Variants in TRMT9B observed in about 807,000 individuals in gnomAD.
TRMT9B encodes tRNA methyltransferase 9B (putative).
A neutral mutation model predicts 11.5 loss-of-function variants in TRMT9B; 16 were observed. The observed-to-expected ratio is 1.39, with a 90% CI of 0.94 to 2.11. TRMT9B has a LOEUF of 2.11. Ranked by LOEUF, TRMT9B falls within the 30% of genes most tolerant of loss-of-function variation. TRMT9B has a pLI of 0.00. For missense variants in TRMT9B, 941 were observed against 553.8 expected, an observed-to-expected ratio of 1.70 and a Z score of -7.02; for synonymous variants, 274 against 192.4, an observed-to-expected ratio of 1.42 and a Z score of -3.51.
chr8:12,995,392 T>C (rs868417776), intron 2 of TRMT9B, among the ~76,000 whole-genome samples: 1 of 152,232 alleles, frequency 6.6e-6, no homozygotes, highest in Non-Finnish European at 1.5e-5. Flanking sequence ...TACAAAGTTA[T>C]ATATTTTTTA....
chr8:12,952,209 G>C (rs934505253), intron 1 of TRMT9B: 4 of 451,290 alleles, frequency 8.9e-6, no homozygotes, highest in African/African-American at 8.1e-5. Context: ...CCGGCGACCG[G>C]AGCACTGACA....
intron 1 of TRMT9B, among the ~76,000 whole-genome samples, chr8:12,987,723 C>G (rs1468335688): frequency 6.6e-6 from 1 of 152,002 alleles, no homozygotes; most frequent in Non-Finnish European, 1.5e-5. Context: ...TACAACTAAC[C>G]TACAGAACAT....
chr8:12,995,686 T>G (rs1243663932), intron 2 of TRMT9B, among the ~76,000 whole-genome samples: 2 of 152,122 alleles, frequency 1.3e-5, no homozygotes, highest in African/African-American at 4.8e-5. Flanking sequence ...TTGGGTTTGG[T>G]TTTTTGGGAG....
In TRMT9B at chr8:13,029,126, C is replaced by T. The variant is rs575221292; in HGVS notation, c.*7082C>T. The T allele has an allele frequency of 1.6e-4, 26 of 166,910 alleles. No homozygotes were observed. Among genetic ancestry groups the T allele is most frequent in the African/African-American group, 4.8e-4 (20 of 41,480 alleles). The allele number at this position is 166,910 out of a possible 1,614,324, so 10.3% of individuals were successfully genotyped here. Reference sequence around the variant, plus strand: ...CAAGAAAAAGTAGTTCTTTTGTGCACGCGTGAATACATCAAATTAGCAATT... The same window carrying T: ...CAAGAAAAAGTAGTTCTTTTGTGCATGCGTGAATACATCAAATTAGCAATT... On this transcript the variant is annotated 3_prime_UTR_variant, in exon 5 of 5. Coordinates refer to ENST00000524591, the MANE Select transcript of TRMT9B (RefSeq NM_020844.3).
At chr8:12,965,613 G>C (rs1802705103) in intron 1 of TRMT9B, among the ~76,000 whole-genome samples, 1 of 147,930 alleles carries the variant, frequency 6.8e-6, no homozygotes, top group African/African-American at 2.6e-5. Flanking sequence ...TTAGTTGTCT[G>C]ATTTTTTTTT....
rs1483358397 is a variant in TRMT9B, at chr8:12,952,687, GA to G, written c.-200+6723del. The stretch of plus-strand genomic sequence containing the variant: ...CACGATGAAAATACAGTTTAAGAAG[GA>G]ATGCCAAAATAGGAAGGTAAGGATT... On this transcript the variant is annotated intron_variant, in intron 1 of 4. Transcript: ENST00000524591. 4 of 984,682 alleles carry G rather than the reference GA, an allele frequency of 4.1e-6. No homozygotes were observed. The African/African-American group carries it at 7.0e-5, about 17-fold the overall frequency. The allele number at this position is 984,682 out of a possible 1,614,324, so 61.0% of individuals were successfully genotyped here. A position where few individuals can be genotyped will look rare whatever the true frequency, so the allele number is the denominator to read the frequency against.
intron 1 of TRMT9B, among the ~76,000 whole-genome samples, chr8:12,956,565 T>G (rs549114155): frequency 5.3e-5 from 8 of 152,232 alleles, no homozygotes; most frequent in Non-Finnish European, 8.8e-5. Flanking sequence ...AAATTATTTT[T>G]CCTTCTCAAA....
intron 1 of TRMT9B, among the ~76,000 whole-genome samples, chr8:12,986,955 C>T (rs1241008654): frequency 1.3e-5 from 2 of 152,190 alleles, no homozygotes; most frequent in Non-Finnish European, 1.5e-5. Context: ...TTTCTAAAAC[C>T]GAGATCAACT....
intron 1 of TRMT9B, among the ~76,000 whole-genome samples, chr8:12,984,614 A>G (rs1380170768): frequency 6.6e-6 from 1 of 152,164 alleles, no homozygotes; most frequent in African/African-American, 2.4e-5. Context: ...GTAATAGCAG[A>G]GCAGTCTTCT....
In TRMT9B at chr8:13,021,487, C is replaced by A. The variant is rs765071011; in HGVS notation, c.808C>A (p.Pro270Thr). The stretch of plus-strand genomic sequence containing the variant: ...GAGGAAGCAAATTGAAAGAGTAAGA[C>A]CCTTGAAAAACACAGAAGTTTGGGC... ...TLRKQIERVR[P>T]LKNTEVWASS... The change falls in exon 5 of 5, where the codon CCC becomes ACC. Residue 270 changes from proline (P) to threonine (T), a missense_variant. Coordinates refer to ENST00000524591, the MANE Select transcript of TRMT9B (RefSeq NM_020844.3). 2 of 1,613,604 alleles carry A rather than the reference C, an allele frequency of 1.2e-6. No individual in the cohort carries two copies. Among genetic ancestry groups the A allele is most frequent in the African/African-American group, 2.7e-5 (2 of 74,882 alleles).
At chr8:12,980,481 C>T (rs1020718163) in intron 1 of TRMT9B, among the ~76,000 whole-genome samples, 5 of 152,204 alleles carry the variant, frequency 3.3e-5, no homozygotes, top group South Asian at 2.1e-4. Context: ...CACCATCTCA[C>T]GGGACGGGGA....
chr8:13,020,958 T>C, intron 4 of TRMT9B, 50 bp from the exon 5 acceptor site: 1 of 1,252,636 alleles, frequency 8.0e-7, no homozygotes, highest in East Asian at 2.5e-5. Context: ...TATACGTGTG[T>C]GGGTTTATGT....
At chr8:12,980,723 G>A (rs982200774) in intron 1 of TRMT9B, among the ~76,000 whole-genome samples, 2 of 152,180 alleles carry the variant, frequency 1.3e-5, no homozygotes, top group African/African-American at 4.8e-5. Flanking sequence ...CGTGACACAA[G>A]CTGAACCTTC....
At chr8:13,019,885 C>G (rs757827102) in intron 4 of TRMT9B, among the ~76,000 whole-genome samples, 1 of 152,154 alleles carries the variant, frequency 6.6e-6, no homozygotes, top group African/African-American at 2.4e-5. Flanking sequence ...CCATTTCACC[C>G]TCACACCTCT....
intron 1 of TRMT9B, among the ~76,000 whole-genome samples, chr8:12,986,248 A>G (rs189292644): frequency 1.9e-3 from 291 of 152,192 alleles, no homozygotes; most frequent in Non-Finnish European, 2.7e-3. Flanking sequence ...AATATGCCCA[A>G]GTCTAAAACC....
chr8:12,991,264 C>T (rs752335419), intron 2 of TRMT9B, among the ~76,000 whole-genome samples: 13 of 152,080 alleles, frequency 8.5e-5, no homozygotes, highest in Non-Finnish European at 1.8e-4. Flanking sequence ...AAGCAAAATA[C>T]TTTTGTAGGA....
intron 2 of TRMT9B, among the ~76,000 whole-genome samples, chr8:12,996,096 C>G (rs1321496081): frequency 6.6e-6 from 1 of 152,158 alleles, no homozygotes; most frequent in Non-Finnish European, 1.5e-5. Context: ...CATGTAGCCT[C>G]CTTCCTGGAC....
intron 4 of TRMT9B, among the ~76,000 whole-genome samples, chr8:13,017,332 A>C (rs1432273176): frequency 6.6e-6 from 1 of 152,206 alleles, no homozygotes; most frequent in Non-Finnish European, 1.5e-5. Context: ...CTGAATCTGG[A>C]ATCCAGTAAT....
At chr8:13,011,584 A>T in intron 3 of TRMT9B, 5 of 939,650 alleles carry the variant, frequency 5.3e-6, no homozygotes, top group Non-Finnish European at 6.3e-6. Flanking sequence ...ACTAAGTATT[A>T]GACTGTAGAA....
Sources: allele counts gnomAD v4.1 joint callset (sites outside exome capture counted in the v4.1 genomes callset), GRCh38; gene constraint gnomAD v4.1.1; transcripts MANE v1.5; gene names NCBI Gene and HGNC (gene_info 2026-07-23, HGNC 2026-07-21).